Variants in SLC38A8 observed in about 807,000 individuals in gnomAD.
SLC38A8 encodes the protein amino acid transporter SLC38A8.
A neutral mutation model predicts 46.0 loss-of-function variants in SLC38A8; 65 were observed. The observed-to-expected ratio is 1.41, with a 90% CI of 1.16 to 1.74. The LOEUF is 1.74. Ranked by LOEUF, SLC38A8 falls within the 40% of genes most tolerant of loss-of-function variation. The probability of loss-of-function intolerance (pLI) is 0.00; values close to 1 mark genes in which losing one functional copy is unlikely to be tolerated. For missense variants in SLC38A8, 998 were observed against 567.9 expected (o/e 1.76, Z -7.70); for synonymous variants, 447 against 243.7 (o/e 1.83, Z -7.77).
intron 6 of SLC38A8, among the ~76,000 whole-genome samples, chr16:84,023,652 G>C (rs1269243908): frequency 6.6e-6 from 1 of 152,224 alleles, no homozygotes; most frequent in East Asian, 1.9e-4. Context: ...CCAGCACTTT[G>C]GGAGGCCGAA....
intron 2 of SLC38A8, chr16:84,039,824 G>C (rs981884229): frequency 6.7e-6 from 1 of 150,060 alleles, no homozygotes; most frequent in African/African-American, 2.4e-5. Flanking sequence ...GCCATCCCTG[G>C]AGGACAGGGT....
At chr16:84,038,015 A>AC (rs2085321443) in intron 2 of SLC38A8, among the ~76,000 whole-genome samples, 1 of 152,010 alleles carries the variant, frequency 6.6e-6, no homozygotes, top group Non-Finnish European at 1.5e-5. Context: ...AAAATGTATT[A>AC]TAAAAAATTT....
In SLC38A8 at chr16:84,035,434, C is replaced by G. The variant is rs111996701; in HGVS notation, c.388+1268G>C. ...TGGCAAAATGGTACACTAAATTTCA[C>G]CCTATCAACAATCACATGCCAATTA... is the stretch of plus-strand genomic sequence containing the variant. On this transcript the variant is annotated intron_variant, in intron 3 of 10. Transcript: ENST00000299709. Among the ~76,000 whole-genome samples the G allele has an allele frequency of 6.6e-4, 100 of 152,286 alleles. 1 individual carries two copies. Among genetic ancestry groups the G allele is most frequent in the Middle Eastern group, 3.4e-3 (1 of 294 alleles).
At chr16:84,017,361 C>G in intron 7 of SLC38A8, 74 bp from the exon 8 acceptor site, 1 of 1,554,848 alleles carries the variant, frequency 6.4e-7, no homozygotes, top group Admixed American at 1.8e-5. Flanking sequence ...AACAGACAGA[C>G]AGCGCCTGGC....
At chr16:84,010,016 T>A in intron 10 of SLC38A8, 139 bp from the exon 11 acceptor site, 1 of 601,304 alleles carries the variant, frequency 1.7e-6, no homozygotes, top group East Asian at 3.2e-5. Flanking sequence ...ATATTTCCAG[T>A]TACCTGTAGG....
At chr16:84,038,914 C>T (rs1303747019) in intron 2 of SLC38A8, among the ~76,000 whole-genome samples, 1 of 152,222 alleles carries the variant, frequency 6.6e-6, no homozygotes, top group Non-Finnish European at 1.5e-5. Context: ...TCGAGCATTC[C>T]ACATCTAATC....
At chr16:84,017,899 T>C (rs2085049623) in intron 7 of SLC38A8, among the ~76,000 whole-genome samples, 1 of 152,136 alleles carries the variant, frequency 6.6e-6, no homozygotes, top group Non-Finnish European at 1.5e-5. Context: ...AGTGGGAACA[T>C]GTGGAGGTGA....
At chr16:84,015,468 TTTTC>T (rs956095238) in intron 9 of SLC38A8, among the ~76,000 whole-genome samples, 9 of 151,970 alleles carry the variant, frequency 5.9e-5, no homozygotes, top group South Asian at 2.1e-4. Context: ...ACATATACGA[TTTTC>T]TTTTTTTAAT....
At chr16:84,016,362 G>C (rs1171211261) in intron 9 of SLC38A8, among the ~76,000 whole-genome samples, 157 bp downstream of exon 9, 3 of 152,224 alleles carry the variant, frequency 2.0e-5, no homozygotes, top group African/African-American at 7.2e-5. Context: ...GCCCAAGCCT[G>C]TGCCTGGCTC....
intron 6 of SLC38A8, among the ~76,000 whole-genome samples, chr16:84,027,089 C>G (rs1047815091): frequency 2.0e-5 from 3 of 152,162 alleles, no homozygotes; most frequent in Admixed American, 6.5e-5. Context: ...CAGTGGCTCA[C>G]GCCTGTAATC....
At chr16:84,023,002 G>T in intron 6 of SLC38A8, 113 bp from the exon 7 acceptor site, 1 of 675,722 alleles carries the variant, frequency 1.5e-6, no homozygotes, top group South Asian at 2.0e-5. Flanking sequence ...GGTTTCTCTT[G>T]AAATAGCCTG....
chr16:84,043,019 G>A (rs1435758986), upstream of SLC38A8, among the ~76,000 whole-genome samples: 2 of 152,096 alleles, frequency 1.3e-5, no homozygotes, highest in East Asian at 1.9e-4. Context: ...CCAGCCCAAC[G>A]GAGGGGGCGT....
intron 5 of SLC38A8, among the ~76,000 whole-genome samples, chr16:84,029,985 C>G (rs2085219208): frequency 6.6e-6 from 1 of 152,196 alleles, no homozygotes; most frequent in Non-Finnish European, 1.5e-5. Context: ...GGGAGAACCT[C>G]CAGGTCCAGC....
chr16:84,021,669 G>T (rs551999969), intron 7 of SLC38A8, among the ~76,000 whole-genome samples: 1 of 152,156 alleles, frequency 6.6e-6, no homozygotes, highest in African/African-American at 2.4e-5. Flanking sequence ...CTCCAAAGCC[G>T]CTTCCACGTT....
At chr16:84,015,398 G>A (rs1331586126) in intron 9 of SLC38A8, among the ~76,000 whole-genome samples, 3 of 152,094 alleles carry the variant, frequency 2.0e-5, no homozygotes, top group African/African-American at 7.2e-5. Context: ...TTTGCCTCCA[G>A]GGCCTGGAGG....
chr16:84,011,828 G>C (rs577704341), intron 10 of SLC38A8, among the ~76,000 whole-genome samples: 1 of 152,166 alleles, frequency 6.6e-6, no homozygotes, highest in Non-Finnish European at 1.5e-5. Flanking sequence ...AGGCTGTAGT[G>C]AGCCACAATT....
intron 9 of SLC38A8, 34 bp downstream of exon 9, chr16:84,016,485 A>C (rs886432221): frequency 6.2e-7 from 1 of 1,606,406 alleles, no homozygotes; most frequent in Non-Finnish European, 8.5e-7. Flanking sequence ...GGGAAGAACA[A>C]GTGGGCAGAA....
intron 7 of SLC38A8, among the ~76,000 whole-genome samples, chr16:84,021,301 G>C (rs925600105): frequency 6.6e-6 from 1 of 152,188 alleles, no homozygotes; most frequent in African/African-American, 2.4e-5. Context: ...CTGACCTCAA[G>C]TGATCCACCT....
chr16:84,037,944 G>A (rs1420114393), intron 2 of SLC38A8, among the ~76,000 whole-genome samples: 2 of 151,722 alleles, frequency 1.3e-5, no homozygotes, highest in South Asian at 2.1e-4. Flanking sequence ...GAGTATCTGG[G>A]ACTACAGGCA....
Sources: allele counts gnomAD v4.1 joint callset (sites outside exome capture counted in the v4.1 genomes callset), GRCh38; gene constraint gnomAD v4.1.1; transcripts MANE v1.5; gene names NCBI Gene and HGNC (gene_info 2026-07-23, HGNC 2026-07-21).